The following GPC5 variants were observed in gnomAD, a reference collection of about 807,000 sequenced individuals.
The protein encoded by GPC5 is glypican-5.
Under a neutral mutation model 53.9 loss-of-function variants are expected in GPC5, and 47 were observed. The ratio of observed to expected loss-of-function variants is 0.87; its 90% confidence interval spans 0.69 to 1.11. The LOEUF (loss-of-function observed/expected upper bound fraction) is 1.11. Among genes scored for constraint, GPC5 ranks in the 50% most tolerant of loss-of-function variants. GPC5 has a pLI of 0.00. For missense variants in GPC5, 748 were observed against 713.1 expected (o/e 1.05, Z -0.56); for synonymous variants, 286 against 263.3 (o/e 1.09, Z -0.84).
rs140518904 is a variant in GPC5, at chr13:92,443,002, G to A, written c.1561+298013G>A. On this transcript the variant is annotated intron_variant, in intron 7 of 7. Coordinates refer to ENST00000377067, the MANE Select transcript of GPC5 (RefSeq NM_004466.6). ...GCAATAATGGAATACCGGAGGCTGG[G>A]TAATTTATAAATAAAAGAGGTTAAT... Among the ~76,000 whole-genome samples the A allele has an allele frequency of 1.7e-3, 262 of 152,272 alleles. 8 individuals are homozygous for A. In the East Asian group the frequency reaches 0.045, roughly 26 times the overall value.
intron 5 of GPC5, among the ~76,000 whole-genome samples, chr13:91,809,648 TATA>T (rs2038278834): frequency 6.6e-6 from 1 of 152,096 alleles, no homozygotes; most frequent in South Asian, 2.1e-4. Flanking sequence ...TCCCTTAGAA[TATA>T]ATAATTGAAT....
chr13:92,112,830 A>G (rs2041569160), intron 6 of GPC5, among the ~76,000 whole-genome samples: 2 of 152,276 alleles, frequency 1.3e-5, no homozygotes, highest in South Asian at 2.1e-4. Flanking sequence ...ATTCAAGTAT[A>G]GAAAGTATAA....
intron 6 of GPC5, among the ~76,000 whole-genome samples, chr13:91,951,121 A>G (rs1327634181): frequency 6.6e-6 from 1 of 152,156 alleles, no homozygotes; most frequent in African/African-American, 2.4e-5. Flanking sequence ...CCCATTTAGC[A>G]TGCCTGGCCT....
chr13:91,552,739 C>T (rs949728873), intron 2 of GPC5, among the ~76,000 whole-genome samples: 1 of 152,064 alleles, frequency 6.6e-6, no homozygotes. Flanking sequence ...TCCTTGCCCT[C>T]ATTCCCTTAA....
At chr13:92,095,680 G>A (rs1450193268) in intron 6 of GPC5, among the ~76,000 whole-genome samples, 5 of 152,170 alleles carry the variant, frequency 3.3e-5, no homozygotes, top group African/African-American at 4.8e-5. Context: ...GATTATAGGC[G>A]TGCGCCACCA....
intron 7 of GPC5, among the ~76,000 whole-genome samples, chr13:92,659,430 G>A (rs549617360): frequency 2.8e-5 from 4 of 140,594 alleles, no homozygotes; most frequent in Admixed American, 1.5e-4. Context: ...CTCTTCCAGA[G>A]CAATTAAATA....
intron 7 of GPC5, among the ~76,000 whole-genome samples, chr13:92,358,045 C>T (rs956488343): frequency 1.3e-5 from 2 of 151,654 alleles, no homozygotes; most frequent in Non-Finnish European, 2.9e-5. Flanking sequence ...TGAAACAAAG[C>T]AAGTCCTTTC....
At position 91,726,068 on chromosome 13, in the gene GPC5, C is replaced by A. The variant is rs56218900; in HGVS notation, c.1021-2464C>A. 7.1e-3 allele frequency among the ~76,000 whole-genome samples: 1,080 copies of A among 152,064 alleles called. 6 individuals are homozygous for A. The highest frequency in any genetic ancestry group is 0.024 in the Middle Eastern group (7 of 294). On this transcript the variant is annotated intron_variant, in intron 3 of 7. Transcript: ENST00000377067. ...CTAGGAGTTGTTGATGAACATACAG[C>A]GAACATACTTTCCTCATTTTTGTGA...
chr13:92,436,662 ATGT>A (rs1173642041), intron 7 of GPC5, among the ~76,000 whole-genome samples: 1 of 152,146 alleles, frequency 6.6e-6, no homozygotes, highest in Non-Finnish European at 1.5e-5. Flanking sequence ...TCTTTTTGAA[ATGT>A]TGTATTCAAA....
At chr13:92,337,055 A>T (rs1179401901) in intron 7 of GPC5, among the ~76,000 whole-genome samples, 1 of 152,176 alleles carries the variant, frequency 6.6e-6, no homozygotes, top group East Asian at 1.9e-4. Flanking sequence ...TTCCCATGAC[A>T]CATGGGTATT....
At chr13:91,717,531 C>G (rs942916243) in intron 3 of GPC5, among the ~76,000 whole-genome samples, 3 of 152,078 alleles carry the variant, frequency 2.0e-5, no homozygotes, top group Non-Finnish European at 4.4e-5. Flanking sequence ...AGGCGAGATA[C>G]CTGATGAAAG....
chr13:92,152,215 T>A lies in GPC5; in HGVS notation c.1561+7226T>A, dbSNP rs117159446. ...TTAAAGCTCTTCTATGTGGTCATTT[T>A]GTTTGTGCATTCATTTTTACCAGCA... On this transcript the variant is annotated intron_variant, in intron 7 of 7. Transcript: ENST00000377067. Among the ~76,000 whole-genome samples, 945 of 152,354 alleles carry A rather than the reference T, an allele frequency of 6.2e-3. 5 individuals are homozygous for A. Among genetic ancestry groups the A allele is most frequent in the Non-Finnish European group, 9.8e-3 (666 of 68,030 alleles).
At chr13:92,560,348 C>T in intron 7 of GPC5, among the ~76,000 whole-genome samples, 1 of 152,010 alleles carries the variant, frequency 6.6e-6, no homozygotes, top group Non-Finnish European at 1.5e-5. Context: ...CCTACAAGGT[C>T]TGCGACATGA....
chr13:91,858,492 T>A (rs1271174149), intron 5 of GPC5, among the ~76,000 whole-genome samples: 1 of 152,020 alleles, frequency 6.6e-6, no homozygotes, highest in African/African-American at 2.4e-5. Flanking sequence ...TGTTTAACTA[T>A]CCTTGCATCC....
At chr13:92,750,018 T>C (rs1186129152) in intron 7 of GPC5, among the ~76,000 whole-genome samples, 1 of 152,166 alleles carries the variant, frequency 6.6e-6, no homozygotes, top group African/African-American at 2.4e-5. Flanking sequence ...AGTAATGAAG[T>C]TGGACTGAAT....
chr13:91,616,921 T>C (rs1225100078), intron 2 of GPC5, among the ~76,000 whole-genome samples: 2 of 152,170 alleles, frequency 1.3e-5, no homozygotes, highest in Non-Finnish European at 2.9e-5. Flanking sequence ...ACACTGATTC[T>C]GATTTTCCTG....
chr13:92,613,603 T>A (rs1171517139), intron 7 of GPC5, among the ~76,000 whole-genome samples: 5 of 122,806 alleles, frequency 4.1e-5, no homozygotes, highest in Non-Finnish European at 8.4e-5. Context: ...CATTTTATTA[T>A]ATTTATTTTA....
At chr13:91,959,066 A>G (rs2040101510) in intron 6 of GPC5, among the ~76,000 whole-genome samples, 1 of 129,834 alleles carries the variant, frequency 7.7e-6, no homozygotes, top group Non-Finnish European at 1.8e-5. Context: ...CAACACACAC[A>G]CACACACACA....
chr13:91,894,889 C>T (rs898711142), intron 5 of GPC5, among the ~76,000 whole-genome samples: 1 of 151,930 alleles, frequency 6.6e-6, no homozygotes, highest in Admixed American at 6.6e-5. Flanking sequence ...GTCTCAGAGA[C>T]GGAATGTTAA....
Sources: allele counts gnomAD v4.1 joint callset (sites outside exome capture counted in the v4.1 genomes callset), GRCh38; gene constraint gnomAD v4.1.1; transcripts MANE v1.5; gene names NCBI Gene and HGNC (gene_info 2026-07-23, HGNC 2026-07-21).